Variants in EDNRA observed in about 807,000 individuals in gnomAD.
EDNRA encodes the protein endothelin-1 receptor.
In EDNRA, 11 loss-of-function variants were observed where a neutral mutation model predicts 41.4. The ratio of observed to expected loss-of-function variants is 0.27; its 90% CI spans 0.17 to 0.44. The LOEUF is 0.44. Among genes scored for constraint, EDNRA ranks in the 20% least tolerant of loss-of-function variants. The pLI is 1.00. For synonymous variants in EDNRA, 172 were observed against 183.0 expected, an observed-to-expected ratio of 0.94 and a Z score of 0.49; for missense variants, 294 against 531.0, an observed-to-expected ratio of 0.55 and a Z score of 4.39.
chr4:147,535,897 C>T lies in EDNRA; in HGVS notation c.768C>T (p.Asp256=). 2 of 1,613,112 alleles carry T rather than the reference C, an allele frequency of 1.2e-6. No individual in the cohort carries two copies. The highest frequency in any genetic ancestry group is 1.7e-6 in the Non-Finnish European group (2 of 1,179,648). ...TGAAGTTCTACCAAGATGTAAAGGA[C>T]TGGTGGCTCTTCGGGTTCTATTTCT... The part of the protein sequence containing the change: ...KFMEFYQDVK[D]WWLFGFYFCM... The change falls in exon 5 of 8, where the codon GAC becomes GAT. Residue 256 remains aspartate, a synonymous_variant. Coordinates refer to ENST00000651419, the MANE Select transcript of EDNRA (RefSeq NM_001957.4).
At chr4:147,523,491 T>G (rs1245690901) in intron 3 of EDNRA, among the ~76,000 whole-genome samples, 1 of 135,598 alleles carries the variant, frequency 7.4e-6, no homozygotes, top group Non-Finnish European at 1.5e-5. Context: ...TTTTTTTGTT[T>G]TTTTTGTTTT....
chr4:147,514,946 A>C (rs1730060835), intron 2 of EDNRA, among the ~76,000 whole-genome samples: 1 of 152,130 alleles, frequency 6.6e-6, no homozygotes, highest in South Asian at 2.1e-4. Flanking sequence ...TAGAAATGCA[A>C]ATTCTCAGGC....
chr4:147,481,411 T>G (rs1728751275), intron 1 of EDNRA, 35 bp downstream of exon 1: 1 of 152,530 alleles, frequency 6.6e-6, no homozygotes. Flanking sequence ...GGACTGGGAC[T>G]GGGGCGGGTG....
chr4:147,540,128 T>G (rs372080718), intron 6 of EDNRA, among the ~76,000 whole-genome samples, 178 bp downstream of exon 6: 1 of 152,228 alleles, frequency 6.6e-6, no homozygotes, highest in Non-Finnish European at 1.5e-5. Context: ...GCAAGCCACA[T>G]CTGTTATCTT....
chr4:147,533,165 C>T (rs1730811737), intron 4 of EDNRA, among the ~76,000 whole-genome samples: 1 of 152,128 alleles, frequency 6.6e-6, no homozygotes, highest in African/African-American at 2.4e-5. Flanking sequence ...GATGGATTTA[C>T]TAATTCAAAG....
chr4:147,528,005 G>A (rs1578808501), intron 3 of EDNRA, among the ~76,000 whole-genome samples: 2 of 152,182 alleles, frequency 1.3e-5, no homozygotes, highest in South Asian at 4.1e-4. Context: ...TTAATCTGTG[G>A]CCTAATTCAT....
rs1188910121 is a variant in EDNRA, at chr4:147,544,529, G to A, written c.*1911G>A. The A allele has an allele frequency of 1.3e-5, 2 of 152,572 alleles. No individual in the cohort carries two copies. Among genetic ancestry groups the A allele is most frequent in the Admixed American group, 6.5e-5 (1 of 15,270 alleles). The allele number at this position is 152,572 out of a possible 1,614,324, so 9.5% of individuals were successfully genotyped here. On this transcript the variant is annotated 3_prime_UTR_variant, in exon 8 of 8. Transcript: ENST00000651419. ...AGATAATTTGTTGGGCCATATTTTA[G>A]GACAGGTAAAATAACATCAGGTTCC...
At chr4:147,512,138 G>A (rs1039906855) in intron 2 of EDNRA, among the ~76,000 whole-genome samples, 1 of 152,052 alleles carries the variant, frequency 6.6e-6, no homozygotes, top group Non-Finnish European at 1.5e-5. Flanking sequence ...TGATCCTTTG[G>A]TCATATGCTT....
intron 3 of EDNRA, among the ~76,000 whole-genome samples, chr4:147,523,453 G>A (rs1730397671): frequency 6.6e-6 from 1 of 150,546 alleles, no homozygotes; most frequent in African/African-American, 2.5e-5. Context: ...CTGTTTTGTT[G>A]GGTGTTTGTT....
intron 2 of EDNRA, among the ~76,000 whole-genome samples, chr4:147,487,492 T>C (rs1728989308): frequency 6.6e-6 from 1 of 152,216 alleles, no homozygotes; most frequent in African/African-American, 2.4e-5. Context: ...GTATTATGCA[T>C]AGAAAGCAAC....
chr4:147,509,381 A>G (rs1373559812), intron 2 of EDNRA, among the ~76,000 whole-genome samples: 1 of 152,220 alleles, frequency 6.6e-6, no homozygotes, highest in African/African-American at 2.4e-5. Flanking sequence ...AAAAGGCAGT[A>G]ATCTCTGAGT....
At chr4:147,532,765 C>T in intron 4 of EDNRA, 61 bp downstream of exon 4, 11 of 1,529,894 alleles carry the variant, frequency 7.2e-6, no homozygotes, top group Non-Finnish European at 9.9e-6. Flanking sequence ...TAGACTTCAC[C>T]ATCTTGAGAC....
intron 3 of EDNRA, 27 bp from the exon 4 acceptor site, chr4:147,532,479 A>G (rs1316076912): frequency 1.9e-6 from 3 of 1,608,758 alleles, no homozygotes; most frequent in Non-Finnish European, 2.6e-6. Context: ...TTTCCTAACA[A>G]CTTGGTTCCA....
rs769360195 is a variant in EDNRA, at chr4:147,525,341, C to T, written c.548+5363C>T. Among the ~76,000 whole-genome samples, 12 of 152,224 alleles carry T rather than the reference C, an allele frequency of 7.9e-5. No homozygotes were observed. In the South Asian group the frequency reaches 8.3e-4, roughly 11 times the overall value. Reference sequence around the variant, plus strand: ...AGTTTAACCTTTTGAATAATTCCTCCGCAAATCTAGTTTCACATCCTTGGT... The same window carrying T: ...AGTTTAACCTTTTGAATAATTCCTCTGCAAATCTAGTTTCACATCCTTGGT... On this transcript the variant is annotated intron_variant, in intron 3 of 7. Transcript: ENST00000651419.
chr4:147,484,880 T>C (rs533624935), intron 1 of EDNRA, among the ~76,000 whole-genome samples: 2 of 152,370 alleles, frequency 1.3e-5, no homozygotes, highest in Non-Finnish European at 2.9e-5. Context: ...GAAACTAAAA[T>C]TGTTAGATGT....
intron 2 of EDNRA, among the ~76,000 whole-genome samples, chr4:147,508,473 G>T (rs567495491): frequency 6.6e-6 from 1 of 152,204 alleles, no homozygotes; most frequent in South Asian, 2.1e-4. Flanking sequence ...ATCAAATCCG[G>T]TTTATCAAAT....
intron 2 of EDNRA, among the ~76,000 whole-genome samples, chr4:147,518,238 T>A (rs1014444185): frequency 6.6e-6 from 1 of 152,236 alleles, no homozygotes; most frequent in Admixed American, 6.5e-5. Context: ...TAGTGTTTTA[T>A]GTCTTTACTT....
chr4:147,536,364 C>T (rs930735481), intron 5 of EDNRA, among the ~76,000 whole-genome samples: 2 of 152,202 alleles, frequency 1.3e-5, no homozygotes, highest in Non-Finnish European at 2.9e-5. Flanking sequence ...ACTTTCTCCC[C>T]ATGCAGATTT....
chr4:147,506,603 CAATATT>C (rs1729724681), intron 2 of EDNRA: 1 of 296,958 alleles, frequency 3.4e-6, no homozygotes, highest in Non-Finnish European at 6.8e-6. Context: ...TTAGAAATAT[CAATATT>C]ATCATCTTAA....
Sources: gnomAD v4.1 joint callset for allele counts (sites outside exome capture counted in the v4.1 genomes callset) on GRCh38, gnomAD v4.1.1 for gene constraint, MANE v1.5 for transcripts, NCBI Gene and HGNC (gene_info 2026-07-23, HGNC 2026-07-21) for gene names.